Variants in ARHGAP6 observed in about 807,000 individuals in gnomAD.
ARHGAP6 encodes the protein Rho GTPase activating protein 6, also known as rho GTPase-activating protein 6.
A neutral mutation model predicts 55.7 loss-of-function variants in ARHGAP6; 16 were observed. The observed-to-expected ratio is 0.29, with a 90% confidence interval of 0.19 to 0.44. The LOEUF is 0.44. ARHGAP6 is among the 20% of genes least tolerant of loss of function. The probability of loss-of-function intolerance (pLI) is 1.00; values close to 1 mark genes in which losing one functional copy is unlikely to be tolerated. For synonymous variants in ARHGAP6, 382 were observed against 360.9 expected (o/e 1.06, Z -0.66); for missense variants, 698 against 808.9 (o/e 0.86, Z 1.66).
At chrX:11,599,964 A>G (rs1171506611) in intron 1 of ARHGAP6, among the ~76,000 whole-genome samples, 1 of 112,294 alleles carries the variant, frequency 8.9e-6, no homozygotes, top group African/African-American at 3.2e-5. Context: ...TACTTGTGCA[A>G]AATAAAGAAT....
At chrX:11,481,703 A>G (rs758405229) in intron 1 of ARHGAP6, among the ~76,000 whole-genome samples, 4 of 112,759 alleles carry the variant, frequency 3.5e-5, no homozygotes, top group African/African-American at 9.6e-5. Context: ...CAAAGGATAT[A>G]TTTTACTAAA....
intron 1 of ARHGAP6, among the ~76,000 whole-genome samples, chrX:11,321,332 G>A (rs1426586711): frequency 9.0e-6 from 1 of 111,501 alleles, no homozygotes; most frequent in African/African-American, 3.3e-5. Flanking sequence ...GTTCAATTGG[G>A]CACAAATTTA....
intron 1 of ARHGAP6, among the ~76,000 whole-genome samples, chrX:11,273,737 T>C (rs947622543): frequency 9.0e-6 from 1 of 111,092 alleles, no homozygotes; most frequent in Non-Finnish European, 1.9e-5. Flanking sequence ...TACTAATTAG[T>C]GGTGCACAGT....
At chrX:11,634,956 T>C (rs752196246) in intron 1 of ARHGAP6, among the ~76,000 whole-genome samples, 1 of 111,086 alleles carries the variant, frequency 9.0e-6, no homozygotes, top group Admixed American at 9.5e-5. Flanking sequence ...AGGATTCACA[T>C]TCAAGCTCAC....
chrX:11,534,241 G>T (rs1480287331), intron 1 of ARHGAP6, among the ~76,000 whole-genome samples: 1 of 111,685 alleles, frequency 9.0e-6, no homozygotes, highest in Non-Finnish European at 1.9e-5. Flanking sequence ...TCAGGTGCTT[G>T]CTGTACTGCC....
chrX:11,379,896 C>T (rs1165467432), intron 1 of ARHGAP6, among the ~76,000 whole-genome samples: 4 of 110,885 alleles, frequency 3.6e-5, no homozygotes, highest in African/African-American at 6.6e-5. Context: ...AGGACAGTGA[C>T]GTACAAACTA....
chrX:11,188,735 C>T lies in ARHGAP6; in HGVS notation c.1070G>A (p.Arg357Lys). Residue 357 changes from arginine to lysine, a missense_variant, in exon 4 of 13, where the codon AGG (arginine) becomes AAG (lysine). Physicochemically the swap from Arg to Lys is conservative, Grantham distance 26. Around this residue, in one of 3 missense-constraint regions of ARHGAP6, gnomAD observed 322 missense variants for 451.1 expected, o/e 0.71. Transcript: ENST00000337414. ...AAATACTGGCCACCTCACCCTCCTC[C>T]TAGCCCGAGGAGCCGGTTCCGGGGT... is the stretch of plus-strand genomic sequence containing the variant. ...PNTPEPAPRA[R>K]RRGAMSVDSI... is the part of the protein sequence containing the mutation. 1 of 1,210,365 alleles carries T rather than the reference C, an allele frequency of 8.3e-7. No homozygotes were observed. Among genetic ancestry groups the T allele is most frequent in the South Asian group, 1.8e-5 (1 of 56,529 alleles).
intron 1 of ARHGAP6, among the ~76,000 whole-genome samples, chrX:11,473,799 C>CA (rs1286281449): frequency 1.7e-4 from 19 of 110,895 alleles, no homozygotes; most frequent in Non-Finnish European, 9.5e-5. Flanking sequence ...CAGTTTGGGC[C>CA]AAAAAAAGTA....
Position 11,664,502 on chromosome X carries a change from C to T in ARHGAP6, c.327G>A (p.Pro109=), listed in dbSNP as rs142502410. ...LCSSFSTPST[P]QEKSPSGSFH... is the part of the protein sequence containing the mutation. ...AGCTGCCGGATGGTGACTTCTCCTG[C>T]GGGGTGCTGGGTGTGGAGAAGGACG... The change falls in exon 1 of 13, where the codon CCG becomes CCA. Residue 109 remains proline (P), a synonymous_variant. Transcript: ENST00000337414. The T allele has an allele frequency of 2.7e-5, 33 of 1,205,952 alleles. No individual in the cohort carries two copies. Among genetic ancestry groups the T allele is most frequent in the Middle Eastern group, 2.3e-4 (1 of 4,345 alleles).
chrX:11,566,006 A>C (rs1269261315), intron 1 of ARHGAP6, among the ~76,000 whole-genome samples: 1 of 112,267 alleles, frequency 8.9e-6, no homozygotes, highest in Non-Finnish European at 1.9e-5. Context: ...GCATCCACTA[A>C]AATTCAAAAT....
chrX:11,656,440 C>T (rs1444713305), intron 1 of ARHGAP6, among the ~76,000 whole-genome samples: 1 of 112,044 alleles, frequency 8.9e-6, no homozygotes, highest in Admixed American at 9.4e-5. Context: ...TCTTACAGTC[C>T]TCAAGGTCAG....
intron 1 of ARHGAP6, among the ~76,000 whole-genome samples, chrX:11,268,534 C>T (rs1486643761): frequency 2.7e-5 from 3 of 111,736 alleles, no homozygotes; most frequent in Admixed American, 9.5e-5. Flanking sequence ...CCCGTAGCCC[C>T]TTTTTCGTGG....
At chrX:11,535,440 A>G (rs769098407) in intron 1 of ARHGAP6, among the ~76,000 whole-genome samples, 1 of 112,260 alleles carries the variant, frequency 8.9e-6, no homozygotes, top group Admixed American at 9.5e-5. Flanking sequence ...CATCTACTGA[A>G]GAGCGCTTCA....
chrX:11,229,596 T>C lies in ARHGAP6; in HGVS notation c.748+24952A>G, dbSNP rs994874262. 7.0e-4 allele frequency among the ~76,000 whole-genome samples: 79 copies of C among 112,275 alleles called. 1 individual carries two copies. The highest frequency in any genetic ancestry group is 2.5e-3 in the African/African-American group (78 of 30,934). On this transcript the variant is annotated intron_variant, in intron 2 of 12. Transcript: ENST00000337414. ...ATGATGAACTCTCTTACCTTTCCTT[T>C]TTAATGTGCAGTTTTTGCACATAAC...
At chrX:11,493,526 T>C (rs192054454) in intron 1 of ARHGAP6, among the ~76,000 whole-genome samples, 43 of 111,797 alleles carry the variant, frequency 3.8e-4, no homozygotes, top group African/African-American at 1.4e-3. Flanking sequence ...TAGGTGTCCA[T>C]TGACACTTCC....
chrX:11,574,532 A>C (rs1361977504), intron 1 of ARHGAP6, among the ~76,000 whole-genome samples: 1 of 109,501 alleles, frequency 9.1e-6, no homozygotes, highest in East Asian at 2.8e-4. Context: ...ACAGCCCTTC[A>C]TGCTAAAAAC....
intron 1 of ARHGAP6, among the ~76,000 whole-genome samples, chrX:11,602,482 T>C (rs1164003088): frequency 1.8e-5 from 2 of 112,891 alleles, no homozygotes; most frequent in African/African-American, 6.4e-5. Context: ...GCAGTGCTAC[T>C]ATCATGGGGC....
At chrX:11,562,085 G>A (rs73499098) in intron 1 of ARHGAP6, among the ~76,000 whole-genome samples, 2,965 of 111,743 alleles carry the variant, frequency 0.027, 48 homozygotes, top group Middle Eastern at 0.065. Flanking sequence ...GAGAGCAGGA[G>A]CTCATAGGAA....
intron 1 of ARHGAP6, among the ~76,000 whole-genome samples, chrX:11,476,448 C>T (rs985853922): frequency 1.2e-4 from 13 of 111,650 alleles, no homozygotes; most frequent in African/African-American, 3.6e-4. Flanking sequence ...AAAATCCCAT[C>T]ATCAGTTCTT....
Sources: gnomAD v4.1 joint callset for allele counts (sites outside exome capture counted in the v4.1 genomes callset) on GRCh38, gnomAD v4.1.1 for gene constraint, gnomAD v4.1.1 regional missense constraint, MANE v1.5 for transcripts, NCBI Gene and HGNC (gene_info 2026-07-23, HGNC 2026-07-21) for gene names.